The following PRKD1 variants were observed in gnomAD, a reference collection of about 807,000 sequenced individuals.
PRKD1 encodes the protein protein kinase D1, also known as serine/threonine-protein kinase D1.
In PRKD1, 63 loss-of-function variants were observed where a neutral mutation model predicts 95.9. That is an observed-to-expected ratio of 0.66 (90% confidence interval 0.54 to 0.81). The LOEUF (loss-of-function observed/expected upper bound fraction) is 0.81. Ranked by LOEUF, PRKD1 falls within the 30% of genes least tolerant of loss-of-function variation. The probability of loss-of-function intolerance (pLI) is 0.00; values close to 1 mark genes in which losing one functional copy is unlikely to be tolerated. For missense variants in PRKD1, 1,048 were observed against 1,165.3 expected (o/e 0.90, Z 1.47); for synonymous variants, 425 against 423.1 (o/e 1.00, Z -0.05).
At chr14:29,899,607 A>G (rs909591385) in intron 1 of PRKD1, among the ~76,000 whole-genome samples, 1 of 152,188 alleles carries the variant, frequency 6.6e-6, no homozygotes, top group Non-Finnish European at 1.5e-5. Context: ...AAATCACGCC[A>G]CTGCACTCCA....
chr14:29,601,438 C>T (rs889841011), intron 13 of PRKD1, among the ~76,000 whole-genome samples: 6 of 151,822 alleles, frequency 4.0e-5, no homozygotes, highest in African/African-American at 9.7e-5. Context: ...TCTGAGCAGA[C>T]GCCTACACAT....
chr14:29,905,732 T>A (rs995755624), intron 1 of PRKD1, among the ~76,000 whole-genome samples: 2 of 152,196 alleles, frequency 1.3e-5, no homozygotes, highest in African/African-American at 4.8e-5. Flanking sequence ...CTGCAGAAGT[T>A]ACACCCACTT....
intron 13 of PRKD1, among the ~76,000 whole-genome samples, chr14:29,617,993 C>G (rs572579902): frequency 2.6e-5 from 4 of 152,176 alleles, no homozygotes; most frequent in South Asian, 2.1e-4. Context: ...ATTGCTTGAA[C>G]CTGGGTCAAG....
chr14:29,637,637 T>G (rs576712510), intron 6 of PRKD1, among the ~76,000 whole-genome samples: 3 of 152,296 alleles, frequency 2.0e-5, no homozygotes, highest in African/African-American at 7.2e-5. Flanking sequence ...AGCTTTCAAT[T>G]TTGGCAGCTA....
At chr14:29,804,999 C>G (rs1451869240) in intron 1 of PRKD1, among the ~76,000 whole-genome samples, 2 of 152,160 alleles carry the variant, frequency 1.3e-5, no homozygotes, top group Non-Finnish European at 2.9e-5. Flanking sequence ...TGGTTTCTTC[C>G]TATTTCCCTA....
intron 1 of PRKD1, among the ~76,000 whole-genome samples, chr14:29,876,343 G>T (rs894331627): frequency 6.6e-6 from 1 of 152,124 alleles, no homozygotes; most frequent in African/African-American, 2.4e-5. Flanking sequence ...TCAAGAGTTT[G>T]CCTACAAATG....
At chr14:29,814,409 A>G (rs774687782) in intron 1 of PRKD1, among the ~76,000 whole-genome samples, 3 of 152,198 alleles carry the variant, frequency 2.0e-5, no homozygotes, top group Non-Finnish European at 4.4e-5. Flanking sequence ...GTGCTGGCTG[A>G]CTATCAATGT....
At chr14:29,727,848 A>T (rs1440722879) in intron 1 of PRKD1, among the ~76,000 whole-genome samples, 1 of 151,566 alleles carries the variant, frequency 6.6e-6, no homozygotes, top group Non-Finnish European at 1.5e-5. Context: ...TGATGAGTTC[A>T]TGTCCTTTGT....
Position 29,622,907 on chromosome 14 carries a change from T to C in PRKD1, c.1905+1245A>G, listed in dbSNP as rs564262183. Among the ~76,000 whole-genome samples, 88 of 152,308 alleles carry C rather than the reference T, an allele frequency of 5.8e-4. 1 individual carries two copies. The highest frequency in any genetic ancestry group is 4.0e-3 in the Admixed American group (61 of 15,298). On this transcript the variant is annotated intron_variant, in intron 13 of 17. Transcript: ENST00000331968. ...CCTATAATGAAGAATAAATATCTCC[T>C]GTACGCATGCTAACTCTGTATTCCT...
At chr14:29,912,412 TC>T (rs944921766) in intron 1 of PRKD1, among the ~76,000 whole-genome samples, 8 of 152,330 alleles carry the variant, frequency 5.3e-5, no homozygotes, top group African/African-American at 1.9e-4. Context: ...GTGGCTTTTG[TC>T]CCCTGACTTG....
chr14:29,777,355 G>A (rs1888811404), intron 1 of PRKD1, among the ~76,000 whole-genome samples: 2 of 152,260 alleles, frequency 1.3e-5, no homozygotes, highest in South Asian at 4.1e-4. Flanking sequence ...TGGCAAACTG[G>A]ATAAAGAGTC....
chr14:29,700,701 T>TG (rs1179220140), intron 2 of PRKD1, among the ~76,000 whole-genome samples: 1 of 152,162 alleles, frequency 6.6e-6, no homozygotes, highest in African/African-American at 2.4e-5. Flanking sequence ...CGGTAGACTT[T>TG]GAGTAAAGCA....
chr14:29,663,119 A>G (rs1240930812), intron 4 of PRKD1, among the ~76,000 whole-genome samples: 1 of 142,714 alleles, frequency 7.0e-6, no homozygotes, highest in Non-Finnish European at 1.5e-5. Context: ...ATAAAAATAT[A>G]TATCTTATGG....
At chr14:29,780,231 A>C (rs1594511745) in intron 1 of PRKD1, among the ~76,000 whole-genome samples, 1 of 152,216 alleles carries the variant, frequency 6.6e-6, no homozygotes, top group Non-Finnish European at 1.5e-5. Flanking sequence ...GGCATGGGCA[A>C]GGACTTCATG....
chr14:29,790,961 T>C (rs1172237936), intron 1 of PRKD1, among the ~76,000 whole-genome samples: 1 of 152,188 alleles, frequency 6.6e-6, no homozygotes. Flanking sequence ...TCAGTCTAGG[T>C]GACCTCAGTG....
At chr14:29,672,233 T>G (rs60931671) in intron 2 of PRKD1, among the ~76,000 whole-genome samples, 5 of 151,360 alleles carry the variant, frequency 3.3e-5, no homozygotes, top group African/African-American at 9.7e-5. Flanking sequence ...CCCAGCTATT[T>G]GGGAGGCTGA....
intron 2 of PRKD1, among the ~76,000 whole-genome samples, chr14:29,715,725 AG>A (rs948672260): frequency 6.6e-6 from 1 of 152,202 alleles, no homozygotes; most frequent in African/African-American, 2.4e-5. Context: ...CCTCTTTGAA[AG>A]ATACTGTAAT....
Position 29,927,493 on chromosome 14 carries a change from A to G in PRKD1, c.20T>C (p.Leu7Pro), listed in dbSNP as rs572057574. Reference protein sequence around the residue: MSAPPVLRPPSPLLPVA... With the variant: MSAPPVPRPPSPLLPVA... ...GGGCAGCAGCGGACTGGGCGGCCGC[A>G]GGACCGGAGGGGCGCTCATCGCTCG... The change falls in exon 1 of 18, where the codon CTG (leucine) becomes CCG (proline). Residue 7 changes from leucine (L) to proline (P), a missense_variant. Physicochemically the swap from Leu to Pro is moderately conservative, Grantham distance 98. This residue lies in a region of PRKD1 where 34 missense variants were observed against 54.8 expected (regional missense o/e 0.62). Transcript: ENST00000331968. 8.4e-3 allele frequency: 10,261 copies of G among 1,215,328 alleles called. 53 individuals carry two copies. The highest frequency in any genetic ancestry group is 9.8e-3 in the Non-Finnish European group (9,591 of 980,870). The allele number at this position is 1,215,328 out of a possible 1,614,324, so 75.3% of individuals were successfully genotyped here. A position where few individuals can be genotyped will look rare whatever the true frequency, so the allele number is the denominator to read the frequency against.
At chr14:29,675,031 AT>A (rs2139244940) in intron 2 of PRKD1, among the ~76,000 whole-genome samples, 1 of 152,316 alleles carries the variant, frequency 6.6e-6, no homozygotes, top group South Asian at 2.1e-4. Flanking sequence ...CAGTTCAACA[AT>A]TGCTGAATCC....
Sources: gnomAD v4.1 joint callset for allele counts (sites outside exome capture counted in the v4.1 genomes callset) on GRCh38, gnomAD v4.1.1 for gene constraint, gnomAD v4.1.1 regional missense constraint, MANE v1.5 for transcripts, NCBI Gene and HGNC (gene_info 2026-07-23, HGNC 2026-07-21) for gene names.